SYNE2: variants seen among roughly 807,000 people sequenced by gnomAD.
SYNE2 encodes the protein nesprin-2.
In SYNE2, 431 loss-of-function variants were observed where a neutral mutation model predicts 856.3. The ratio of observed to expected loss-of-function variants is 0.50; its 90% CI spans 0.47 to 0.55. The LOEUF is 0.55. Among genes scored for constraint, SYNE2 ranks in the 20% least tolerant of loss-of-function variants. The pLI is 0.00. For synonymous variants in SYNE2, 2,923 were observed against 2,872.3 expected, an observed-to-expected ratio of 1.02 and a Z score of -0.56; for missense variants, 8,129 against 8,023.2, an observed-to-expected ratio of 1.01 and a Z score of -0.50.
rs1217966278 is a variant in SYNE2, at chr14:64,093,599, T to C, written c.12108+119T>C. 1.1e-5 allele frequency: 11 copies of C among 1,038,296 alleles called. No homozygotes were observed. In the South Asian group the frequency reaches 1.2e-4, roughly 11 times the overall value. 64.3% of individuals were successfully genotyped at this position (1,038,296 alleles called of 1,614,324 possible). A position where few individuals can be genotyped will look rare whatever the true frequency, so the allele number is the denominator to read the frequency against. On this transcript the variant is annotated intron_variant, in intron 61 of 115. Transcript: ENST00000555002. ...AGTGGTGCAGTGTAACACCTGTTTC[T>C]CTGTAACAATTGAAGGTATTTCTGT... is the stretch of plus-strand genomic sequence containing the variant.
intron 7 of SYNE2, among the ~76,000 whole-genome samples, chr14:63,951,325 A>T (rs2096154634): frequency 6.6e-6 from 1 of 151,210 alleles, no homozygotes; most frequent in African/African-American, 2.4e-5. Context: ...TTTTTGAGAG[A>T]GAGTTTCGCT....
rs1269340066 is a variant in SYNE2 at position 64,052,391 on chromosome 14, A to C, written c.8478A>C (p.Ser2826=). ...QMLVLKSTQR[S]QQLEFKLEER... ...TGGTTTTAAAATCAACTCAAAGATC[A>C]CAGCAATTAGAATTTAAGTTGGAAG... Residue 2826 remains serine, a synonymous_variant, in exon 48 of 116, where the codon TCA becomes TCC. Coordinates refer to ENST00000555002, the MANE Select transcript of SYNE2 (RefSeq NM_182914.3). 1 of 1,613,984 alleles carries C rather than the reference A, an allele frequency of 6.2e-7. No individual in the cohort carries two copies. Among genetic ancestry groups the C allele is most frequent in the Admixed American group, 1.7e-5 (1 of 59,986 alleles).
intron 1 of SYNE2, among the ~76,000 whole-genome samples, chr14:63,825,613 T>C (rs770214735): frequency 1.9e-4 from 29 of 152,000 alleles, no homozygotes; most frequent in Non-Finnish European, 2.1e-4. Context: ...GTGGCTCACA[T>C]CTGTAATCCC....
intron 95 of SYNE2, 121 bp downstream of exon 95, chr14:64,175,259 C>T (rs2098428573): frequency 9.1e-7 from 1 of 1,094,996 alleles, no homozygotes; most frequent in East Asian, 2.6e-5. Flanking sequence ...CCAACTCAAG[C>T]TGTAATCTGT....
At chr14:64,220,997 C>G (rs557887045) in intron 111 of SYNE2, among the ~76,000 whole-genome samples, 1 of 152,282 alleles carries the variant, frequency 6.6e-6, no homozygotes, top group South Asian at 2.1e-4. Context: ...AGCCATGTGA[C>G]TTTGAGCAAA....
At chr14:64,175,249 C>G in intron 95 of SYNE2, 111 bp downstream of exon 95, 5 of 1,222,062 alleles carry the variant, frequency 4.1e-6, no homozygotes, top group South Asian at 1.3e-5. Flanking sequence ...TCATGAGTTT[C>G]CAACTCAAGC....
At chr14:64,075,741 A>G (rs1021311513) in intron 53 of SYNE2, 6 of 559,278 alleles carry the variant, frequency 1.1e-5, no homozygotes, top group Admixed American at 3.0e-5. Flanking sequence ...AGAGATATCA[A>G]GTTTAATTCT....
chr14:64,030,092 T>TA (rs554506500), intron 44 of SYNE2, 33 bp downstream of exon 44: 6,028 of 1,339,732 alleles, frequency 4.5e-3, no homozygotes, highest in Non-Finnish European at 5.2e-3. Flanking sequence ...GATAGACATT[T>TA]AAAAAAAAAA....
chr14:63,964,066 A>G (rs2096357965), intron 10 of SYNE2, 66 bp downstream of exon 10: 1 of 1,021,684 alleles, frequency 9.8e-7, no homozygotes, highest in African/African-American at 1.6e-5. Flanking sequence ...GTATGTTTTT[A>G]GAAAACTCTT....
At chr14:64,202,232 G>A in intron 99 of SYNE2, 1 of 702,366 alleles carries the variant, frequency 1.4e-6, no homozygotes, top group Non-Finnish European at 2.6e-6. Context: ...CTGGTTCAAT[G>A]TATACGGCTG....
intron 96 of SYNE2, among the ~76,000 whole-genome samples, chr14:64,184,852 A>G (rs535376947): frequency 5.2e-4 from 79 of 152,380 alleles, no homozygotes; most frequent in African/African-American, 1.9e-3. Flanking sequence ...TTTATTAAAC[A>G]TAAATTCTTG....
intron 45 of SYNE2, among the ~76,000 whole-genome samples, chr14:64,047,073 G>A (rs1411065052): frequency 6.6e-6 from 1 of 152,220 alleles, no homozygotes; most frequent in Non-Finnish European, 1.5e-5. Context: ...CACTTGGTGG[G>A]TCCCAAGCTC....
intron 58 of SYNE2, among the ~76,000 whole-genome samples, 199 bp from the exon 59 acceptor site, chr14:64,089,369 GAAAAAA>G (rs57358817): frequency 5.9e-5 from 3 of 50,462 alleles, no homozygotes; most frequent in African/African-American, 8.0e-5. Context: ...TCCGTCTCAG[GAAAAAA>G]AAAAAAAAAA....
chr14:63,819,117 C>G (rs950805364), intron 1 of SYNE2, among the ~76,000 whole-genome samples: 3 of 151,622 alleles, frequency 2.0e-5, no homozygotes, highest in Non-Finnish European at 4.4e-5. Context: ...TCTGATTGCT[C>G]AAACAGAAAA....
chr14:63,843,539 G>C (rs952288846), intron 1 of SYNE2, among the ~76,000 whole-genome samples: 1 of 152,078 alleles, frequency 6.6e-6, no homozygotes, highest in Non-Finnish European at 1.5e-5. Flanking sequence ...AATTACAGTG[G>C]AGATAGTGAG....
At chr14:64,074,292 C>T (rs1430270024) in intron 53 of SYNE2, among the ~76,000 whole-genome samples, 156 bp downstream of exon 53, 1 of 152,092 alleles carries the variant, frequency 6.6e-6, no homozygotes, top group Non-Finnish European at 1.5e-5. Flanking sequence ...ATGGTATGGG[C>T]AGAACCAAGG....
intron 63 of SYNE2, among the ~76,000 whole-genome samples, chr14:64,101,369 T>C (rs957233289): frequency 6.6e-6 from 1 of 152,188 alleles, no homozygotes; most frequent in Non-Finnish European, 1.5e-5. Flanking sequence ...ATTTCCCTGG[T>C]GATTAGTGAG....
intron 70 of SYNE2, among the ~76,000 whole-genome samples, chr14:64,124,835 G>A (rs146931137): frequency 2.2e-4 from 34 of 151,906 alleles, no homozygotes; most frequent in South Asian, 8.3e-4. Context: ...AAGCCCCGTC[G>A]CTACTAAAAA....
chr14:64,125,470 G>A (rs905210750), intron 71 of SYNE2, among the ~76,000 whole-genome samples: 1 of 152,222 alleles, frequency 6.6e-6, no homozygotes, highest in Non-Finnish European at 1.5e-5. Context: ...GCCGTCTGCA[G>A]TGGTGATCTG....
Sources: gnomAD v4.1 joint callset for allele counts (sites outside exome capture counted in the v4.1 genomes callset) on GRCh38, gnomAD v4.1.1 for gene constraint, MANE v1.5 for transcripts, NCBI Gene and HGNC (gene_info 2026-07-23, HGNC 2026-07-21) for gene names.